EMC10: variants seen among roughly 807,000 people sequenced by gnomAD.
The protein encoded by EMC10 is UPF0510 protein INM02.
A neutral mutation model predicts 32.2 loss-of-function variants in EMC10; 40 were observed. That is an observed-to-expected ratio of 1.24 (90% CI 0.96 to 1.61). The LOEUF is 1.61. Ranked by LOEUF, EMC10 falls within the 40% of genes most tolerant of loss-of-function variation. EMC10 has a pLI of 0.00. For missense variants in EMC10, 402 were observed against 357.7 expected, an observed-to-expected ratio of 1.12 and a Z score of -1.00; for synonymous variants, 178 against 158.4, an observed-to-expected ratio of 1.12 and a Z score of -0.93.
chr19:50,484,486 C>T lies in EMC10; in HGVS notation c.*2227C>T, dbSNP rs1382040833. 1 of 152,152 alleles carries T rather than the reference C, an allele frequency of 6.6e-6. No individual in the cohort carries two copies. The highest frequency in any genetic ancestry group is 2.4e-5 in the African/African-American group (1 of 41,416). The allele number at this position is 152,152 out of a possible 1,614,324, so 9.4% of individuals were successfully genotyped here. A position where few individuals can be genotyped will look rare whatever the true frequency, so the allele number is the denominator to read the frequency against. Reference sequence around the variant, plus strand: ...GATTATGTCCTTTCCCTCTAAGTCTCGGTTGCTTTCAGGCTGGCAGGGTTA... The same window carrying T: ...GATTATGTCCTTTCCCTCTAAGTCTTGGTTGCTTTCAGGCTGGCAGGGTTA... On this transcript the variant is annotated 3_prime_UTR_variant, in exon 7 of 7. Coordinates refer to ENST00000334976, the MANE Select transcript of EMC10 (RefSeq NM_206538.4).
chr19:50,484,567 G>C lies in EMC10; in HGVS notation c.*2308G>C, dbSNP rs1357137857. ...CTCCTTCAGGCTCCCCTAGCGTTCTGTTCTTATTAAACTTTTCTTCCCCGT... is the reference window on the plus strand; with the variant it reads ...CTCCTTCAGGCTCCCCTAGCGTTCTCTTCTTATTAAACTTTTCTTCCCCGT... On this transcript the variant is annotated 3_prime_UTR_variant, in exon 7 of 7. Coordinates refer to ENST00000334976, the MANE Select transcript of EMC10 (RefSeq NM_206538.4). 6.6e-6 allele frequency: 1 copy of C among 152,126 alleles called. No homozygotes were observed. Among genetic ancestry groups the C allele is most frequent in the Non-Finnish European group, 1.5e-5 (1 of 68,022 alleles). The allele number at this position is 152,126 out of a possible 1,614,324, so 9.4% of individuals were successfully genotyped here.
At position 50,480,361 on chromosome 19, in the gene EMC10, C is replaced by A; in HGVS notation, c.402+146C>A. ...ACCTGGCCTTGCCTTCCGAGGCCTC[C>A]TGGTCTGGAGGGGTCGGTCCAGGTA... On this transcript the variant is annotated intron_variant, in intron 4 of 6. Coordinates refer to ENST00000334976, the MANE Select transcript of EMC10 (RefSeq NM_206538.4). This position sits in a 1 kb window ranked among gnomAD's most constrained non-coding sequence, Gnocchi z 4.4. 1 of 1,002,966 alleles carries A rather than the reference C, an allele frequency of 1.0e-6. No individual in the cohort carries two copies. The highest frequency in any genetic ancestry group is 1.5e-6 in the Non-Finnish European group (1 of 677,832). The allele number at this position is 1,002,966 out of a possible 1,614,324, so 62.1% of individuals were successfully genotyped here.
rs2040366811 is a variant in EMC10, at chr19:50,484,333, A to ATTTT, written c.*2075_*2076insTTTT. Reference sequence around the variant, plus strand: ...ATGAGCCACTGCGCCAGGCCTACTGATGCTTTTTGGGAAGTGTTCCCAACT... The same window carrying ATTTT: ...ATGAGCCACTGCGCCAGGCCTACTGATTTTTGCTTTTTGGGAAGTGTTCCCAACT... On this transcript the variant is annotated 3_prime_UTR_variant, in exon 7 of 7. Transcript: ENST00000334976. 6.6e-6 allele frequency: 1 copy of ATTTT among 152,030 alleles called. No homozygotes were observed. The highest frequency in any genetic ancestry group is 6.6e-5 in the Admixed American group (1 of 15,248). The allele number at this position is 152,030 out of a possible 1,614,324, so 9.4% of individuals were successfully genotyped here. A position where few individuals can be genotyped will look rare whatever the true frequency, so the allele number is the denominator to read the frequency against.
chr19:50,480,557 C>T lies in EMC10; in HGVS notation c.403-24C>T. The T allele has an allele frequency of 6.5e-7, 1 of 1,549,040 alleles. No homozygotes were observed. On this transcript the variant is annotated intron_variant, in intron 4 of 6. Coordinates refer to ENST00000334976, the MANE Select transcript of EMC10 (RefSeq NM_206538.4). The surrounding 1 kb of genome is among the most constrained non-coding windows in gnomAD (Gnocchi z 4.4). ...AGCCCAGGCAGCAGGCTCCCCACCT[C>T]CACTGACCCCACTCCCCCCACAGTG...
Position 50,486,963 on chromosome 19 carries a change from C to T in EMC10, c.*4704C>T, listed in dbSNP as rs912920542. On this transcript the variant is annotated 3_prime_UTR_variant, in exon 7 of 7. Coordinates refer to ENST00000334976, the MANE Select transcript of EMC10 (RefSeq NM_206538.4). ...TGTTCCTTTTTGTTGAGATCATTCT[C>T]GGTGTCTCATATAGCTGGGTTGCAG... 2.6e-5 allele frequency: 4 copies of T among 152,112 alleles called. No individual in the cohort carries two copies. Among genetic ancestry groups the T allele is most frequent in the Admixed American group, 6.6e-5 (1 of 15,264 alleles). 9.4% of individuals were successfully genotyped at this position (152,112 alleles called of 1,614,324 possible).
intron 3 of EMC10, 40 bp downstream of exon 3, chr19:50,479,106 G>T (rs1020360698): frequency 8.7e-6 from 13 of 1,499,822 alleles, no homozygotes; most frequent in Non-Finnish European, 1.2e-5. Flanking sequence ...GATGGGGATG[G>T]AGGGTTTCCA....
chr19:50,479,828 G>A (rs1261818145), intron 3 of EMC10, among the ~76,000 whole-genome samples: 1 of 152,258 alleles, frequency 6.6e-6, no homozygotes, highest in Non-Finnish European at 1.5e-5. Context: ...CAGGCACAGG[G>A]AAGGCGTCCT....
Position 50,480,582 on chromosome 19 carries a change from G to A in EMC10, c.404G>A (p.Cys135Tyr), listed in dbSNP as rs2040302104. 2.6e-6 allele frequency: 4 copies of A among 1,553,722 alleles called. No individual in the cohort carries two copies. Among genetic ancestry groups the A allele is most frequent in the African/African-American group, 1.4e-5 (1 of 73,332 alleles). ...CCACTGACCCCACTCCCCCCACAGT[G>A]CTCCCTGGTGGAGTCGCACCTGTCG... Reference protein sequence around the residue: ...GGYVSSFVPACSLVESHLSDQ... With the variant: ...GGYVSSFVPAYSLVESHLSDQ... Residue 135 changes from cysteine (C) to tyrosine (Y), a missense_variant and splice_region_variant, in exon 5 of 7, where the codon TGC becomes TAC. Cys to Tyr is a radical substitution (Grantham distance 194). Transcript: ENST00000334976. This position sits in a 1 kb window ranked among gnomAD's most constrained non-coding sequence, Gnocchi z 4.4.
chr19:50,480,585 C>T lies in EMC10; in HGVS notation c.407C>T (p.Ser136Phe), dbSNP rs1231451384. 9 of 1,554,412 alleles carry T rather than the reference C, an allele frequency of 5.8e-6. No homozygotes were observed. The highest frequency in any genetic ancestry group is 7.8e-6 in the Non-Finnish European group (9 of 1,149,072). Reference sequence around the variant, plus strand: ...CTGACCCCACTCCCCCCACAGTGCTCCCTGGTGGAGTCGCACCTGTCGGAC... The same window carrying T: ...CTGACCCCACTCCCCCCACAGTGCTTCCTGGTGGAGTCGCACCTGTCGGAC... Reference protein sequence around the residue: ...GYVSSFVPACSLVESHLSDQL... With the variant: ...GYVSSFVPACFLVESHLSDQL... Residue 136 changes from serine to phenylalanine, a missense_variant, in exon 5 of 7, where the codon TCC becomes TTC. Physicochemically the swap from Ser to Phe is radical, Grantham distance 155 (BLOSUM62 -2). Coordinates refer to ENST00000334976, the MANE Select transcript of EMC10 (RefSeq NM_206538.4). This position sits in a 1 kb window ranked among gnomAD's most constrained non-coding sequence, Gnocchi z 4.4.
rs1384588196 is a variant in EMC10, at chr19:50,482,165, CCGT to C, written c.700_702del (p.Val234del). ...CGGCTGCAGTGGATGTACATCATTCCCGTCGTCCTGTTCCTCATGATGTCAGGA... is the reference window on the plus strand; with the variant it reads ...CGGCTGCAGTGGATGTACATCATTCCCGTCCTGTTCCTCATGATGTCAGGA... On this transcript the variant is annotated inframe_deletion, in exon 7 of 7. Coordinates refer to ENST00000334976, the MANE Select transcript of EMC10 (RefSeq NM_206538.4). 6.3e-7 allele frequency: 1 copy of C among 1,599,766 alleles called. No individual in the cohort carries two copies. The highest frequency in any genetic ancestry group is 1.3e-5 in the African/African-American group (1 of 74,392).
chr19:50,482,585 G>T lies in EMC10; in HGVS notation c.*326G>T. 2.0e-6 allele frequency: 1 copy of T among 507,746 alleles called. No homozygotes were observed. Among genetic ancestry groups the T allele is most frequent in the Non-Finnish European group, 3.5e-6 (1 of 289,334 alleles). 31.5% of individuals were successfully genotyped at this position (507,746 alleles called of 1,614,324 possible). A position where few individuals can be genotyped will look rare whatever the true frequency, so the allele number is the denominator to read the frequency against. ...TTCTGACCTCGCATCCCCCTACCCC[G>T]AGCCCATGCAGTCTGGGAACATGCC... On this transcript the variant is annotated 3_prime_UTR_variant, in exon 7 of 7. Transcript: ENST00000334976.
intron 1 of EMC10, among the ~76,000 whole-genome samples, chr19:50,477,477 G>A (rs1481177637): frequency 4.6e-5 from 7 of 152,220 alleles, no homozygotes; most frequent in African/African-American, 1.7e-4. Context: ...ATATGCGTGA[G>A]TATGCAAGTT....
rs1349557807 is a variant in EMC10, at chr19:50,486,856, A to G, written c.*4597A>G. 1 of 151,998 alleles carries G rather than the reference A, an allele frequency of 6.6e-6. No homozygotes were observed. The highest frequency in any genetic ancestry group is 2.4e-5 in the African/African-American group (1 of 41,364). The allele number at this position is 151,998 out of a possible 1,614,324, so 9.4% of individuals were successfully genotyped here. ...ATATTGATTAGGAGTAAAAATGTTC[A>G]TTTTTACAAAATATTACAACTTCTC... On this transcript the variant is annotated 3_prime_UTR_variant, in exon 7 of 7. Coordinates refer to ENST00000334976, the MANE Select transcript of EMC10 (RefSeq NM_206538.4).
chr19:50,480,515 G>T lies in EMC10; in HGVS notation c.403-66G>T, dbSNP rs1026986018. 1.4e-5 allele frequency: 21 copies of T among 1,506,078 alleles called. No homozygotes were observed. In the Admixed American group the frequency reaches 2.3e-4, roughly 16 times the overall value. The allele number at this position is 1,506,078 out of a possible 1,614,324, so 93.3% of individuals were successfully genotyped here. ...CTCCGGGGGTCCTGTGGTGGGGGCC[G>T]GGGGAGGTTAGGGTGGAGCCCAGGC... On this transcript the variant is annotated intron_variant, in intron 4 of 6. Transcript: ENST00000334976. The surrounding 1 kb of genome is among the most constrained non-coding windows in gnomAD (Gnocchi z 4.4).
In EMC10 at chr19:50,480,061, C is replaced by T; in HGVS notation, c.298-50C>T. 4 of 1,483,200 alleles carry T rather than the reference C, an allele frequency of 2.7e-6. No individual in the cohort carries two copies. Among genetic ancestry groups the T allele is most frequent in the East Asian group, 2.4e-5 (1 of 42,094 alleles). 91.9% of individuals were successfully genotyped at this position (1,483,200 alleles called of 1,614,324 possible). ...AGGCCTGGTGGGCATCACAGCCTGTCCAGGGCTGACACCATCCTTCTGACC... is the reference window on the plus strand; with the variant it reads ...AGGCCTGGTGGGCATCACAGCCTGTTCAGGGCTGACACCATCCTTCTGACC... On this transcript the variant is annotated intron_variant, in intron 3 of 6. Transcript: ENST00000334976. This position sits in a 1 kb window ranked among gnomAD's most constrained non-coding sequence, Gnocchi z 4.4.
At chr19:50,478,923 G>C in intron 2 of EMC10, 34 bp from the exon 3 acceptor site, 1 of 1,529,242 alleles carries the variant, frequency 6.5e-7, no homozygotes, top group Non-Finnish European at 8.9e-7. Context: ...GGTGGGCGGG[G>C]GAGGGGGCGT....
chr19:50,482,368 C>T lies in EMC10; in HGVS notation c.*109C>T. ...AGAAGGGTTTGCTGGTCCCTCCTTT[C>T]CCCCCGTCCCACGAGGCCACCTGGG... On this transcript the variant is annotated 3_prime_UTR_variant, in exon 7 of 7. Transcript: ENST00000334976. The T allele has an allele frequency of 4.8e-6, 3 of 620,970 alleles. No homozygotes were observed. The highest frequency in any genetic ancestry group is 2.8e-5 in the East Asian group (1 of 36,110). 38.5% of individuals were successfully genotyped at this position (620,970 alleles called of 1,614,324 possible).
chr19:50,481,864 C>T, intron 6 of EMC10: 2 of 1,578,288 alleles, frequency 1.3e-6, no homozygotes, highest in Non-Finnish European at 1.7e-6. Context: ...TCCCCAGTGG[C>T]ACATCATCCT....
rs1978356205 is a variant in EMC10 at position 50,486,410 on chromosome 19, G to A, written c.*4151G>A. 1.3e-5 allele frequency: 2 copies of A among 152,200 alleles called. No homozygotes were observed. The highest frequency in any genetic ancestry group is 2.1e-4 in the South Asian group (1 of 4,822). 9.4% of individuals were successfully genotyped at this position (152,200 alleles called of 1,614,324 possible). ...TCACCATGTTGGCCAGGCTGGTCTT[G>A]AACTCCTGACCTCAAGCGATCCACC... On this transcript the variant is annotated 3_prime_UTR_variant, in exon 7 of 7. Transcript: ENST00000334976.
Sources: allele counts gnomAD v4.1 joint callset (sites outside exome capture counted in the v4.1 genomes callset), GRCh38; gene constraint gnomAD v4.1.1; non-coding constraint Gnocchi (gnomAD v3.1); transcripts MANE v1.5; gene names NCBI Gene and HGNC (gene_info 2026-07-23, HGNC 2026-07-21).